Variants in ADGRE1 observed in about 807,000 individuals in gnomAD.
The protein encoded by ADGRE1 is EGF-like module receptor 1.
Under a neutral mutation model 102.7 loss-of-function variants are expected in ADGRE1, and 82 were observed. That is an observed-to-expected ratio of 0.80 (90% CI 0.67 to 0.96). The LOEUF is 0.96. ADGRE1 is among the 40% of genes least tolerant of loss of function. The pLI is 0.00. For synonymous variants in ADGRE1, 398 were observed against 399.6 expected (o/e 1.00, Z 0.05); for missense variants, 1,032 against 1,085.3 (o/e 0.95, Z 0.69).
chr19:6,887,735 C>A, intron 1 of ADGRE1, 96 bp downstream of exon 1: 1 of 1,352,922 alleles, frequency 7.4e-7, no homozygotes, highest in Non-Finnish European at 1.0e-6. Flanking sequence ...GCCAAGAGAT[C>A]ATAAGTCCAG....
intron 18 of ADGRE1, among the ~76,000 whole-genome samples, chr19:6,936,626 G>GTT (rs34730751): frequency 2.4e-5 from 3 of 127,646 alleles, no homozygotes; most frequent in Non-Finnish European, 1.7e-5. Flanking sequence ...GCAAATCCTT[G>GTT]TTTTTTTTTT....
At chr19:6,893,573 C>T (rs1411218143) in intron 2 of ADGRE1, among the ~76,000 whole-genome samples, 1 of 152,214 alleles carries the variant, frequency 6.6e-6, no homozygotes, top group African/African-American at 2.4e-5. Flanking sequence ...CCCATTCATC[C>T]ACTGATAGAC....
chr19:6,891,039 T>C (rs1279721684), intron 2 of ADGRE1: 2 of 153,082 alleles, frequency 1.3e-5, no homozygotes, highest in African/African-American at 2.4e-5. Flanking sequence ...GGTTTGGCTA[T>C]GTCCTCACCC....
In ADGRE1 at chr19:6,906,417, G is replaced by C. The variant is rs1371305284; in HGVS notation, c.950-16G>C. 2 of 1,600,350 alleles carry C rather than the reference G, an allele frequency of 1.2e-6. No individual in the cohort carries two copies. The highest frequency in any genetic ancestry group is 1.7e-6 in the Non-Finnish European group (2 of 1,171,870). On this transcript the variant is annotated splice_polypyrimidine_tract_variant and intron_variant, in intron 8 of 20. Coordinates refer to ENST00000312053, the MANE Select transcript of ADGRE1 (RefSeq NM_001974.5). ...GAGGTTGAAGTTTGGTTTGGTTGCT[G>C]TTGTTTTCTTCCTAGGGGTTCTCTT...
chr19:6,895,448 T>C (rs1327846030), intron 2 of ADGRE1: 1 of 152,272 alleles, frequency 6.6e-6, no homozygotes, highest in African/African-American at 2.4e-5. Context: ...TGAACTCAGA[T>C]CTGCCTTGTC....
At chr19:6,896,595 A>T (rs938460371) in intron 3 of ADGRE1, 54 bp downstream of exon 3, 1 of 1,589,374 alleles carries the variant, frequency 6.3e-7, no homozygotes, top group Non-Finnish European at 8.6e-7. Flanking sequence ...ATCAAGTCAA[A>T]GCTGGCTGGG....
chr19:6,904,752 C>T lies in ADGRE1; in HGVS notation c.949+570C>T, dbSNP rs566225341. Among the ~76,000 whole-genome samples, 14 of 152,168 alleles carry T rather than the reference C, an allele frequency of 9.2e-5. No individual in the cohort carries two copies. The East Asian group carries it at 2.5e-3, about 27-fold the overall frequency. On this transcript the variant is annotated intron_variant, in intron 8 of 20. Coordinates refer to ENST00000312053, the MANE Select transcript of ADGRE1 (RefSeq NM_001974.5). Reference sequence around the variant, plus strand: ...CGATCTACTGACCTCGTGATCAGCCCGCCTCGGCCTCCCAAAGTGCTGGGA... The same window carrying T: ...CGATCTACTGACCTCGTGATCAGCCTGCCTCGGCCTCCCAAAGTGCTGGGA...
chr19:6,924,439 A>C (rs1461643397), intron 14 of ADGRE1, among the ~76,000 whole-genome samples: 1 of 152,200 alleles, frequency 6.6e-6, no homozygotes, highest in Non-Finnish European at 1.5e-5. Flanking sequence ...TAGTTTGTGG[A>C]CATCAAGCCC....
At chr19:6,921,635 T>A (rs986850246) in intron 13 of ADGRE1, 78 bp from the exon 14 acceptor site, 1 of 1,437,406 alleles carries the variant, frequency 7.0e-7, no homozygotes, top group South Asian at 1.5e-5. Flanking sequence ...CCAGTGACTC[T>A]TGAGGATGGT....
Position 6,940,398 on chromosome 19 carries a change from T to C in ADGRE1, c.*369T>C, listed in dbSNP as rs465241. 0.71 allele frequency: 193,790 copies of C among 273,388 alleles called. 69,001 individuals are homozygous for C. Among genetic ancestry groups the C allele is most frequent in the Non-Finnish European group, 0.74 (106,816 of 144,352 alleles). The allele number at this position is 273,388 out of a possible 1,614,324, so 16.9% of individuals were successfully genotyped here. ...CCTCCAGAGCCTATCATACGCCTGA[T>C]ACAGAGAACCTCTCAATAAATGATT... is the stretch of plus-strand genomic sequence containing the variant. On this transcript the variant is annotated 3_prime_UTR_variant, in exon 21 of 21. Transcript: ENST00000312053.
chr19:6,938,790 TTTCTTTTTTTC>T lies in ADGRE1; in HGVS notation c.2655+1145_2655+1155del, dbSNP rs1480651985. Among the ~76,000 whole-genome samples, 532 of 139,416 alleles carry T rather than the reference TTTCTTTTTTTC, an allele frequency of 3.8e-3. 2 individuals carry two copies. Among genetic ancestry groups the T allele is most frequent in the African/African-American group, 0.014 (502 of 36,354 alleles). 91.5% of individuals were successfully genotyped at this position (139,416 alleles called of 152,430 possible). A position where few individuals can be genotyped will look rare whatever the true frequency, so the allele number is the denominator to read the frequency against. On this transcript the variant is annotated intron_variant, in intron 20 of 20. Coordinates refer to ENST00000312053, the MANE Select transcript of ADGRE1 (RefSeq NM_001974.5). ...ATTTTCTTTTTTCTTTCTTTCTTTC[TTTCTTTTTTTC>T]TTTTTTTTTTTTGAGATGGAGTCTC... is the stretch of plus-strand genomic sequence containing the variant.
intron 17 of ADGRE1, among the ~76,000 whole-genome samples, chr19:6,933,610 C>A (rs954081101): frequency 4.6e-5 from 7 of 152,150 alleles, no homozygotes; most frequent in Non-Finnish European, 8.8e-5. Context: ...TGGTCTCGAA[C>A]TCCTGACCTC....
chr19:6,896,567 C>T (rs1363779013), intron 3 of ADGRE1, 26 bp downstream of exon 3: 1 of 1,606,144 alleles, frequency 6.2e-7, no homozygotes, highest in East Asian at 2.2e-5. Context: ...CTCAAACCAT[C>T]CAGCATTTGG....
At chr19:6,927,298 TCTCTTCC>T (rs1974963262) in intron 16 of ADGRE1, among the ~76,000 whole-genome samples, 6 of 100,660 alleles carry the variant, frequency 6.0e-5, no homozygotes, top group Admixed American at 2.4e-4. Flanking sequence ...CCTCCCTCCC[TCTCTTCC>T]TCCCTTCCTC....
Position 6,897,435 on chromosome 19 carries a change from T to C in ADGRE1, c.402T>C (p.Asn134=). The change falls in exon 5 of 21, where the codon AAT becomes AAC. Residue 134 remains asparagine (N), a synonymous_variant. Coordinates refer to ENST00000312053, the MANE Select transcript of ADGRE1 (RefSeq NM_001974.5). ...TCTTCCACTGCTTCTCAGATATCAA[T>C]GAGTGCCTCACCAGCAGCGTCTGCC... ...KPGNFSCTDI[N]ECLTSSVCPE... is the part of the protein sequence containing the mutation. The C allele has an allele frequency of 3.1e-6, 5 of 1,594,450 alleles. No individual in the cohort carries two copies. Among genetic ancestry groups the C allele is most frequent in the Non-Finnish European group, 4.3e-6 (5 of 1,169,850 alleles).
chr19:6,901,905 G>T lies in ADGRE1; in HGVS notation c.545G>T (p.Cys182Phe), dbSNP rs757661323. The T allele has an allele frequency of 6.2e-7, 1 of 1,614,134 alleles. No individual in the cohort carries two copies. Among genetic ancestry groups the T allele is most frequent in the South Asian group, 1.1e-5 (1 of 91,080 alleles). ...DVDECADPRA[C>F]PEHATCNNTV... ...GATGAATGTGCAGATCCAAGAGCTTGCCCAGAGCATGCAACTTGTAATAAC... is the reference window on the plus strand; with the variant it reads ...GATGAATGTGCAGATCCAAGAGCTTTCCCAGAGCATGCAACTTGTAATAAC... The change falls in exon 6 of 21, where the codon TGC (cysteine) becomes TTC (phenylalanine). Residue 182 changes from cysteine to phenylalanine, a missense_variant. Transcript: ENST00000312053.
intron 6 of ADGRE1, among the ~76,000 whole-genome samples, chr19:6,903,287 A>C (rs921469558): frequency 6.6e-6 from 1 of 152,156 alleles, no homozygotes; most frequent in Non-Finnish European, 1.5e-5. Context: ...GGCATGTCTT[A>C]TGGAAAGCTG....
intron 5 of ADGRE1, chr19:6,898,836 T>C: frequency 2.5e-6 from 1 of 406,304 alleles, no homozygotes; most frequent in Non-Finnish European, 4.4e-6. Flanking sequence ...TATTTTTCTA[T>C]CCCTTTACTT....
At chr19:6,932,740 G>T (rs772253935) in intron 17 of ADGRE1, among the ~76,000 whole-genome samples, 6 of 152,130 alleles carry the variant, frequency 3.9e-5, no homozygotes, top group Non-Finnish European at 7.4e-5. Context: ...TTTCCTGCCT[G>T]CTCGGCCCTC....
Sources: gnomAD v4.1 joint callset for allele counts (sites outside exome capture counted in the v4.1 genomes callset) on GRCh38, gnomAD v4.1.1 for gene constraint, MANE v1.5 for transcripts, NCBI Gene and HGNC (gene_info 2026-07-23, HGNC 2026-07-21) for gene names.